PCDH15: variants seen among roughly 807,000 people sequenced by gnomAD.
PCDH15 encodes the protein protocadherin-15.
Under a neutral mutation model 178.5 loss-of-function variants are expected in PCDH15, and 129 were observed. The ratio of observed to expected loss-of-function variants is 0.72; its 90% CI spans 0.63 to 0.84. The LOEUF (loss-of-function observed/expected upper bound fraction) is 0.84. PCDH15 is among the 40% of genes least tolerant of loss of function. PCDH15 has a pLI of 0.00. For synonymous variants in PCDH15, 800 were observed against 732.0 expected, an observed-to-expected ratio of 1.09 and a Z score of -1.50; for missense variants, 2,230 against 2,099.9, an observed-to-expected ratio of 1.06 and a Z score of -1.21.
chr10:54,561,580 T>C (rs149701804), intron 2 of PCDH15, among the ~76,000 whole-genome samples: 67 of 152,208 alleles, frequency 4.4e-4, no homozygotes, highest in African/African-American at 1.5e-3. Context: ...ATAACTTAGA[T>C]GAAAGGAATT....
chr10:54,170,373 C>T (rs1279993089), intron 13 of PCDH15, among the ~76,000 whole-genome samples: 3 of 152,072 alleles, frequency 2.0e-5, no homozygotes, highest in Admixed American at 2.0e-4. Flanking sequence ...CTTGACCTTA[C>T]TGTTTTAGTC....
chr10:54,843,993 A>G (rs1953462971), intron 3 of PCDH15, among the ~76,000 whole-genome samples: 4 of 152,172 alleles, frequency 2.6e-5, no homozygotes, highest in African/African-American at 9.6e-5. Context: ...TCTCATTTCA[A>G]AATATAACAC....
intron 17 of PCDH15, among the ~76,000 whole-genome samples, chr10:54,071,870 A>G (rs2094249862): frequency 6.6e-6 from 1 of 152,178 alleles, no homozygotes; most frequent in East Asian, 1.9e-4. Context: ...AAGATTCACT[A>G]TATATTCTCA....
intron 2 of PCDH15, among the ~76,000 whole-genome samples, chr10:55,417,167 A>G (rs1434809381): frequency 6.6e-6 from 1 of 151,864 alleles, no homozygotes; most frequent in African/African-American, 2.4e-5. Flanking sequence ...TTATTGGCAC[A>G]TAGCCACTCT....
intron 2 of PCDH15, among the ~76,000 whole-genome samples, chr10:55,484,130 G>A (rs1840246608): frequency 6.6e-6 from 1 of 151,598 alleles, no homozygotes; most frequent in African/African-American, 2.4e-5. Flanking sequence ...CACACGCTGG[G>A]GCCTTCTGAA....
chr10:54,944,742 A>G (rs1838151603), intron 2 of PCDH15, among the ~76,000 whole-genome samples: 1 of 151,928 alleles, frequency 6.6e-6, no homozygotes, highest in Non-Finnish European at 1.5e-5. Flanking sequence ...TTATTGAGAT[A>G]CGATATGTGA....
intron 3 of PCDH15, among the ~76,000 whole-genome samples, chr10:54,418,048 G>A (rs1233073999): frequency 6.6e-6 from 1 of 152,148 alleles, no homozygotes; most frequent in African/African-American, 2.4e-5. Context: ...AGCTGGAATT[G>A]CAGGTGCCCA....
chr10:55,205,894 A>G (rs1488634828), intron 1 of PCDH15, among the ~76,000 whole-genome samples: 5 of 152,058 alleles, frequency 3.3e-5, no homozygotes, highest in East Asian at 1.9e-4. Context: ...AGGAGGAGCA[A>G]GTCATATCTT....
chr10:54,028,661 C>T (rs2093195244), intron 18 of PCDH15, among the ~76,000 whole-genome samples: 1 of 148,252 alleles, frequency 6.7e-6, no homozygotes, highest in Middle Eastern at 3.5e-3. Context: ...AATTGGAAAT[C>T]ATCATTCTCA....
chr10:55,597,271 T>C (rs983327735), intron 2 of PCDH15: 1 of 152,054 alleles, frequency 6.6e-6, no homozygotes, highest in African/African-American at 2.4e-5. Context: ...CGCACATACG[T>C]ACGTTCACGC....
intron 14 of PCDH15, among the ~76,000 whole-genome samples, chr10:54,141,320 G>A (rs776615634): frequency 3.2e-4 from 48 of 152,108 alleles, no homozygotes; most frequent in Non-Finnish European, 4.7e-4. Context: ...TCTTACCTCT[G>A]AGTATATTGA....
chr10:54,587,671 C>T (rs1288212754), intron 2 of PCDH15, among the ~76,000 whole-genome samples: 1 of 152,154 alleles, frequency 6.6e-6, no homozygotes, highest in Admixed American at 6.6e-5. Context: ...TTGCCCCCTT[C>T]ATTGTAAGCC....
intron 1 of PCDH15, among the ~76,000 whole-genome samples, chr10:55,185,280 C>T (rs989292400): frequency 6.6e-6 from 1 of 151,758 alleles, no homozygotes; most frequent in Non-Finnish European, 1.5e-5. Context: ...GTTTGTAGCT[C>T]ATTATCTATA....
At chr10:53,894,753 C>T (rs1215672331) in intron 26 of PCDH15, among the ~76,000 whole-genome samples, 1 of 152,134 alleles carries the variant, frequency 6.6e-6, no homozygotes, top group African/African-American at 2.4e-5. Context: ...CATAAATAAG[C>T]AAACCATCAG....
chr10:55,557,818 G>A (rs930694876), intron 2 of PCDH15, among the ~76,000 whole-genome samples: 4 of 152,208 alleles, frequency 2.6e-5, no homozygotes, highest in African/African-American at 9.6e-5. Context: ...AAGAACCGAG[G>A]TAAGAAAATA....
chr10:55,384,715 T>C (rs770560900), intron 2 of PCDH15, among the ~76,000 whole-genome samples: 3 of 152,090 alleles, frequency 2.0e-5, no homozygotes, highest in Non-Finnish European at 4.4e-5. Context: ...AAGATACAAA[T>C]GTAGCATGGA....
chr10:54,512,359 TTGTGTGTGTGTGTGTGTGTGTG>T (rs200575121), intron 3 of PCDH15, among the ~76,000 whole-genome samples: 3 of 134,088 alleles, frequency 2.2e-5, no homozygotes, highest in South Asian at 2.6e-4. Flanking sequence ...ATTTCTGGCA[TTGTGTGTGTGTGTGTGTGTGTG>T]TGTGTGTGTG....
At chr10:54,765,013 T>G (rs1387012745) in intron 1 of PCDH15, among the ~76,000 whole-genome samples, 1 of 152,106 alleles carries the variant, frequency 6.6e-6, no homozygotes, top group Non-Finnish European at 1.5e-5. Context: ...TATAAAAAGA[T>G]CCAACAGGCA....
At chr10:55,625,829 T>C (rs1407003958) in intron 2 of PCDH15, among the ~76,000 whole-genome samples, 1 of 152,134 alleles carries the variant, frequency 6.6e-6, no homozygotes, top group Admixed American at 6.5e-5. Flanking sequence ...CCTCCTCTTC[T>C]ACACTGTCCT....
Sources: gnomAD v4.1 joint callset for allele counts (sites outside exome capture counted in the v4.1 genomes callset) on GRCh38, gnomAD v4.1.1 for gene constraint, MANE v1.5 for transcripts, NCBI Gene and HGNC (gene_info 2026-07-23, HGNC 2026-07-21) for gene names.